AFAP1L2: variants seen among roughly 807,000 people sequenced by gnomAD.
The protein encoded by AFAP1L2 is actin filament-associated protein 1-like 2.
A neutral mutation model predicts 99.3 loss-of-function variants in AFAP1L2; 46 were observed. The ratio of observed to expected loss-of-function variants is 0.46; its 90% CI spans 0.37 to 0.59. AFAP1L2 has a LOEUF of 0.59. Ranked by LOEUF, AFAP1L2 falls within the 20% of genes least tolerant of loss-of-function variation. The probability of loss-of-function intolerance (pLI) is 0.00; values close to 1 mark genes in which losing one functional copy is unlikely to be tolerated. For missense variants in AFAP1L2, 959 were observed against 1,034.9 expected, an observed-to-expected ratio of 0.93 and a Z score of 1.01; for synonymous variants, 397 against 419.1, an observed-to-expected ratio of 0.95 and a Z score of 0.64.
chr10:114,330,141 G>A (rs2135536314), intron 4 of AFAP1L2, among the ~76,000 whole-genome samples: 1 of 152,240 alleles, frequency 6.6e-6, no homozygotes, highest in East Asian at 1.9e-4. Flanking sequence ...CACTGTCCCA[G>A]GTTCTCCAGA....
At chr10:114,365,664 A>T (rs1412056271) in intron 1 of AFAP1L2, among the ~76,000 whole-genome samples, 1 of 151,438 alleles carries the variant, frequency 6.6e-6, no homozygotes, top group Non-Finnish European at 1.5e-5. Context: ...ACCATGATGG[A>T]TCTAAGGGGA....
At chr10:114,391,907 G>C (rs900179896) in intron 1 of AFAP1L2, among the ~76,000 whole-genome samples, 8 of 152,160 alleles carry the variant, frequency 5.3e-5, no homozygotes, top group Non-Finnish European at 8.8e-5. Flanking sequence ...GGTACAGAGG[G>C]GCTCAGGCTT....
At chr10:114,344,125 C>T (rs2049170689) in intron 1 of AFAP1L2, among the ~76,000 whole-genome samples, 1 of 152,180 alleles carries the variant, frequency 6.6e-6, no homozygotes, top group African/African-American at 2.4e-5. Flanking sequence ...ATTGACTCAG[C>T]ATCTGCTAGG....
rs750404595 is a variant in AFAP1L2, at chr10:114,297,021, G to A, written c.2387C>T (p.Ser796Leu). Reference protein sequence around the residue: ...SATTLKNRPLSVVVTGKGTVL... With the variant: ...SATTLKNRPLLVVVTGKGTVL... ...AGTGCCTTTGCCTGTGACCACGACCGAGAGAGGCCTGTTCTTGAGTGTGGT... is the reference window on the plus strand; with the variant it reads ...AGTGCCTTTGCCTGTGACCACGACCAAGAGAGGCCTGTTCTTGAGTGTGGT... The change falls in exon 18 of 19, where the codon TCG becomes TTG. Residue 796 changes from serine to leucine, a missense_variant. Physicochemically the swap from Ser to Leu is moderately radical, Grantham distance 145 (BLOSUM62 -2). Around this residue, in one of 2 missense-constraint regions of AFAP1L2, gnomAD observed 576 missense variants for 562.1 expected, o/e 1.02. Coordinates refer to ENST00000304129, the MANE Select transcript of AFAP1L2 (RefSeq NM_001001936.3). 1.1e-5 allele frequency: 17 copies of A among 1,614,054 alleles called. No homozygotes were observed. Among genetic ancestry groups the A allele is most frequent in the South Asian group, 3.3e-5 (3 of 91,064 alleles).
At chr10:114,350,753 T>G (rs184167496) in intron 1 of AFAP1L2, among the ~76,000 whole-genome samples, 16 of 151,774 alleles carry the variant, frequency 1.1e-4, no homozygotes, top group African/African-American at 3.9e-4. Flanking sequence ...GGCATGGAGG[T>G]GGCTTGCTCC....
chr10:114,400,325 T>C (rs928546796), intron 1 of AFAP1L2, among the ~76,000 whole-genome samples: 41 of 152,034 alleles, frequency 2.7e-4, no homozygotes, highest in Non-Finnish European at 5.9e-5. Flanking sequence ...ATTCCCCCAC[T>C]CTGCTTGGCC....
chr10:114,327,168 TATATA>T (rs200027533), intron 4 of AFAP1L2, among the ~76,000 whole-genome samples: 2,233 of 79,932 alleles, frequency 0.028, 184 homozygotes, highest in African/African-American at 0.072. Context: ...TATATATATA[TATATA>T]TTTTTTTTTT....
the AFAP1L2 span, chr10:114,281,719 C>T: frequency 2.0e-6 from 2 of 985,258 alleles, no homozygotes; most frequent in Non-Finnish European, 2.4e-6. Context: ...GGCTGGGGCA[C>T]TGCGGGAGGC....
At chr10:114,363,291 A>C in intron 1 of AFAP1L2, 1 of 551,246 alleles carries the variant, frequency 1.8e-6, no homozygotes, top group Non-Finnish European at 2.3e-6. Flanking sequence ...AGCCTGCAGA[A>C]TTCACGACAC....
intron 1 of AFAP1L2, among the ~76,000 whole-genome samples, chr10:114,395,008 G>A (rs572672567): frequency 1.3e-5 from 2 of 152,072 alleles, no homozygotes; most frequent in Non-Finnish European, 1.5e-5. Context: ...TAACATCAAC[G>A]GTAGGGACCC....
At chr10:114,298,031 G>C (rs989962345) in intron 16 of AFAP1L2, among the ~76,000 whole-genome samples, 1 of 152,186 alleles carries the variant, frequency 6.6e-6, no homozygotes, top group Non-Finnish European at 1.5e-5. Context: ...TCTCTAAAGA[G>C]GGAAGGAAAA....
At chr10:114,325,350 G>A (rs551232099) in intron 4 of AFAP1L2, among the ~76,000 whole-genome samples, 1 of 152,338 alleles carries the variant, frequency 6.6e-6, no homozygotes, top group Non-Finnish European at 1.5e-5. Flanking sequence ...TAATGTGACA[G>A]GCAGTTAATG....
At chr10:114,298,918 C>T (rs1011983345) in intron 16 of AFAP1L2, among the ~76,000 whole-genome samples, 7 of 152,190 alleles carry the variant, frequency 4.6e-5, no homozygotes, top group Non-Finnish European at 7.3e-5. Flanking sequence ...AAAAAATCTG[C>T]AGTGCCAGGT....
chr10:114,344,710 G>A (rs2049261550), intron 1 of AFAP1L2, among the ~76,000 whole-genome samples: 1 of 152,208 alleles, frequency 6.6e-6, no homozygotes, highest in Non-Finnish European at 1.5e-5. Context: ...AATAAGGAAA[G>A]TAAGGCAAAC....
chr10:114,302,590 G>C lies in AFAP1L2; in HGVS notation c.1285-106C>G. On this transcript the variant is annotated intron_variant, in intron 11 of 18. Transcript: ENST00000304129. ...TACCCCTACCCCTGAGCCTGCCCAC[G>C]AAAGCCTCTGTAACAGCCCGGGGCT... The C allele has an allele frequency of 2.1e-6, 3 of 1,422,176 alleles. No homozygotes were observed. The South Asian group carries it at 3.8e-5, about 18-fold the overall frequency. The allele number at this position is 1,422,176 out of a possible 1,614,324, so 88.1% of individuals were successfully genotyped here.
intron 1 of AFAP1L2, among the ~76,000 whole-genome samples, chr10:114,341,622 A>C (rs570086970): frequency 6.7e-6 from 1 of 149,452 alleles, no homozygotes; most frequent in African/African-American, 2.4e-5. Flanking sequence ...AAAAAAAAAA[A>C]AGAAAAGAAA....
chr10:114,305,592 C>T (rs1159377712), intron 10 of AFAP1L2, among the ~76,000 whole-genome samples: 4 of 125,550 alleles, frequency 3.2e-5, no homozygotes, highest in African/African-American at 9.4e-5. Context: ...CAGGAGGCGA[C>T]GGGGCTGCAG....
chr10:114,403,712 C>G (rs900100100), intron 1 of AFAP1L2, among the ~76,000 whole-genome samples: 1 of 152,126 alleles, frequency 6.6e-6, no homozygotes, highest in Non-Finnish European at 1.5e-5. Context: ...CGGGACGGCC[C>G]GCCCACCGGG....
chr10:114,330,803 G>A (rs544763594), intron 4 of AFAP1L2, among the ~76,000 whole-genome samples: 2 of 152,184 alleles, frequency 1.3e-5, no homozygotes, highest in Non-Finnish European at 2.9e-5. Flanking sequence ...AATAGTAAAC[G>A]AGAGACAAGG....
Sources: allele counts gnomAD v4.1 joint callset (sites outside exome capture counted in the v4.1 genomes callset), GRCh38; gene constraint gnomAD v4.1.1; regional missense constraint gnomAD v4.1.1; transcripts MANE v1.5; gene names NCBI Gene and HGNC (gene_info 2026-07-23, HGNC 2026-07-21).